Variants in GIT2 observed in about 807,000 individuals in gnomAD.
GIT2 encodes the protein GIT ArfGAP 2.
Under a neutral mutation model 100.3 loss-of-function variants are expected in GIT2, and 32 were observed. The observed-to-expected ratio is 0.32, with a 90% CI of 0.24 to 0.43. The LOEUF (loss-of-function observed/expected upper bound fraction) is 0.43, where lower values mean the gene tolerates loss of function less well. Among genes scored for constraint, GIT2 ranks in the 20% least tolerant of loss-of-function variants. The pLI, the probability that GIT2 is intolerant of heterozygous loss-of-function variation, is 1.00. For missense variants in GIT2, 737 were observed against 975.1 expected, an observed-to-expected ratio of 0.76 and a Z score of 3.25; for synonymous variants, 353 against 364.1, an observed-to-expected ratio of 0.97 and a Z score of 0.35.
chr12:109,999,617 G>T, upstream of GIT2: 1 of 1,301,482 alleles, frequency 7.7e-7, no homozygotes, highest in Non-Finnish European at 1.0e-6. The surrounding 1 kb of genome is among the most constrained non-coding windows in gnomAD (Gnocchi z 4.3). Context: ...GGGCAGGCAG[G>T]CGGGCGCGGG....
rs1189331333 is a variant in GIT2, at chr12:109,976,592, T to TC, written c.718+4359dup. On this transcript the variant is annotated intron_variant, in intron 7 of 19. Transcript: ENST00000355312. ...AGCCACCGCGCCTGGCGTTTTCTTT[T>TC]CTTTTTTTTTTTTTTTGAGATGGAG... Among the ~76,000 whole-genome samples the TC allele has an allele frequency of 6.2e-3, 925 of 149,726 alleles. 14 individuals are homozygous for TC. Among genetic ancestry groups the TC allele is most frequent in the African/African-American group, 0.021 (851 of 40,650 alleles).
At position 109,947,217 on chromosome 12, in the gene GIT2, C is replaced by T; in HGVS notation, c.1641+39G>A. The T allele has an allele frequency of 6.3e-7, 1 of 1,588,786 alleles. No individual in the cohort carries two copies. The highest frequency in any genetic ancestry group is 2.2e-5 in the East Asian group (1 of 44,636). On this transcript the variant is annotated intron_variant, in intron 15 of 19. Coordinates refer to ENST00000355312, the MANE Select transcript of GIT2 (RefSeq NM_057169.5). The surrounding 1 kb of genome is among the most constrained non-coding windows in gnomAD (Gnocchi z 4.3). ...AAGAGGGAACAGAGTAGACAGGCTG[C>T]ATAGAGTGAACAGCAGAAGCGCCAG...
intron 2 of GIT2, among the ~76,000 whole-genome samples, chr12:109,990,894 A>G (rs1464268510): frequency 6.6e-6 from 1 of 152,266 alleles, no homozygotes; most frequent in Non-Finnish European, 1.5e-5. Context: ...ATCCCAGCCC[A>G]TGCTGCTATC....
intron 16 of GIT2, chr12:109,942,749 G>A (rs893837950): frequency 2.6e-5 from 4 of 152,184 alleles, no homozygotes; most frequent in African/African-American, 9.7e-5. Flanking sequence ...GAAGAGTAGT[G>A]ACTCATATAC....
Position 109,932,814 on chromosome 12 carries a change from A to C in GIT2, c.*164T>G. 1 of 590,520 alleles carries C rather than the reference A, an allele frequency of 1.7e-6. No individual in the cohort carries two copies. The highest frequency in any genetic ancestry group is 3.0e-6 in the Non-Finnish European group (1 of 331,264). 36.6% of individuals were successfully genotyped at this position (590,520 alleles called of 1,614,324 possible). ...TAAGGCAAGTGGGTTAAATAGTTGAAAATTGGTTAGAAAACATGCAAAAAT... is the reference window on the plus strand; with the variant it reads ...TAAGGCAAGTGGGTTAAATAGTTGACAATTGGTTAGAAAACATGCAAAAAT... On this transcript the variant is annotated 3_prime_UTR_variant, in exon 20 of 20. Coordinates refer to ENST00000355312, the MANE Select transcript of GIT2 (RefSeq NM_057169.5).
intron 12 of GIT2, 72 bp downstream of exon 12, chr12:109,959,775 T>C (rs1342283880): frequency 3.4e-6 from 3 of 880,922 alleles, no homozygotes; most frequent in Non-Finnish European, 5.7e-6. Flanking sequence ...CTTTAATTAG[T>C]TTATAACTTT....
intron 1 of GIT2, chr12:109,995,957 CGA>C (rs1369148138): frequency 6.4e-6 from 3 of 469,442 alleles, no homozygotes; most frequent in East Asian, 7.1e-5. Context: ...CGGGAGGGAA[CGA>C]GAGGGAAGGG....
intron 11 of GIT2, among the ~76,000 whole-genome samples, chr12:109,960,688 C>T (rs2136390243): frequency 6.6e-6 from 1 of 152,308 alleles, no homozygotes; most frequent in African/African-American, 2.4e-5. Flanking sequence ...ATTCATTCAA[C>T]ATTTCTCCTC....
intron 7 of GIT2, among the ~76,000 whole-genome samples, chr12:109,973,436 C>A (rs984134131): frequency 2.6e-5 from 4 of 151,966 alleles, no homozygotes; most frequent in African/African-American, 7.3e-5. Flanking sequence ...CCATCGCGCC[C>A]GGTCTGCTTT....
rs183691748 is a variant in GIT2, at chr12:109,950,360, A to T, written c.1392+807T>A. Among the ~76,000 whole-genome samples the T allele has an allele frequency of 9.2e-5, 14 of 152,358 alleles. No individual in the cohort carries two copies. In the East Asian group the frequency reaches 2.3e-3, roughly 25 times the overall value. On this transcript the variant is annotated intron_variant, in intron 14 of 19. Coordinates refer to ENST00000355312, the MANE Select transcript of GIT2 (RefSeq NM_057169.5). ...TATTTCATTTTGTTTCTGGTTAAGT[A>T]AAGTGTCCAAATCTCATTTTAGAGC...
Position 109,932,272 on chromosome 12 carries a change from G to A in GIT2, c.*706C>T, listed in dbSNP as rs777250813. ...GCTCCTACCCTGAACATGGCTTCAT[G>A]AGATGTCCTGTGGTGGGTCAATGCT... On this transcript the variant is annotated 3_prime_UTR_variant, in exon 20 of 20. Transcript: ENST00000355312. 1.5e-4 allele frequency: 23 copies of A among 152,262 alleles called. No individual in the cohort carries two copies. The highest frequency in any genetic ancestry group is 5.5e-4 in the African/African-American group (23 of 41,456). The allele number at this position is 152,262 out of a possible 1,614,324, so 9.4% of individuals were successfully genotyped here.
At chr12:109,952,888 A>G in intron 13 of GIT2, 1 of 593,082 alleles carries the variant, frequency 1.7e-6, no homozygotes, top group Non-Finnish European at 3.0e-6. Context: ...CACACCAATC[A>G]CTCCTCACAA....
chr12:109,938,815 C>G, intron 17 of GIT2: 2 of 512,744 alleles, frequency 3.9e-6, no homozygotes, highest in Non-Finnish European at 3.4e-6. Context: ...ATACCTGGAG[C>G]GGGGAGGGTG....
intron 6 of GIT2, chr12:109,982,414 CT>C (rs1224761566): frequency 6.6e-6 from 1 of 152,184 alleles, no homozygotes; most frequent in Non-Finnish European, 1.5e-5. Context: ...TATGAATCAT[CT>C]TTTCCAAGAG....
chr12:109,973,987 A>G (rs1322611582), intron 7 of GIT2, among the ~76,000 whole-genome samples: 2 of 152,128 alleles, frequency 1.3e-5, no homozygotes, highest in Non-Finnish European at 2.9e-5. Flanking sequence ...GGTTGCAGTG[A>G]GCCAAGATCA....
At chr12:109,943,022 G>GT (rs1272809266) in intron 16 of GIT2, 1 of 152,172 alleles carries the variant, frequency 6.6e-6, no homozygotes, top group African/African-American at 2.4e-5. Flanking sequence ...CTGGTTCAAT[G>GT]TATTTAATAG....
chr12:109,949,241 C>A (rs1877190445), intron 14 of GIT2, among the ~76,000 whole-genome samples: 1 of 152,184 alleles, frequency 6.6e-6, no homozygotes, highest in African/African-American at 2.4e-5. Flanking sequence ...ATTAGAGAAC[C>A]CAGGGCCTAG....
chr12:109,938,314 G>A (rs1873623227), intron 18 of GIT2, 66 bp downstream of exon 18: 2 of 1,120,618 alleles, frequency 1.8e-6, no homozygotes, highest in Admixed American at 4.2e-5. Context: ...TTAGGAACAT[G>A]GGCATCATCC....
intron 16 of GIT2, among the ~76,000 whole-genome samples, chr12:109,943,507 G>C (rs1875358545): frequency 6.6e-6 from 1 of 151,900 alleles, no homozygotes; most frequent in African/African-American, 2.4e-5. Context: ...GCTAATTTTT[G>C]TATTTTTAGT....
Sources: allele counts gnomAD v4.1 joint callset (sites outside exome capture counted in the v4.1 genomes callset), GRCh38; gene constraint gnomAD v4.1.1; non-coding constraint Gnocchi (gnomAD v3.1); transcripts MANE v1.5; gene names NCBI Gene and HGNC (gene_info 2026-07-23, HGNC 2026-07-21).